IQUB: variants seen among roughly 807,000 people sequenced by gnomAD.
The protein encoded by IQUB is IQ motif and ubiquitin domain containing, also known as IQ motif and ubiquitin-like domain-containing protein.
IQUB carries 86 observed loss-of-function variants against 86.4 expected under a neutral mutation model. The ratio of observed to expected loss-of-function variants is 1.00; its 90% CI spans 0.84 to 1.19. IQUB has a LOEUF of 1.19. Ranked by LOEUF, IQUB falls within the 50% of genes most tolerant of loss-of-function variation. The probability of loss-of-function intolerance (pLI) is 0.00; values close to 1 mark genes in which losing one functional copy is unlikely to be tolerated. For synonymous variants in IQUB, 289 were observed against 304.5 expected (o/e 0.95, Z 0.53); for missense variants, 946 against 916.9 (o/e 1.03, Z -0.41).
chr7:123,479,611 T>G lies in IQUB; in HGVS notation c.1410+184A>C, dbSNP rs567788256. Among the ~76,000 whole-genome samples, 5 of 152,258 alleles carry G rather than the reference T, an allele frequency of 3.3e-5. No homozygotes were observed. In the South Asian group the frequency reaches 1.0e-3, roughly 32 times the overall value. On this transcript the variant is annotated intron_variant, in intron 8 of 12. Transcript: ENST00000324698. ...TCATATTACCTAACAATTTTTACTC[T>G]AGGCTGCTATTAAAATCTAAAGCTA... is the stretch of plus-strand genomic sequence containing the variant.
chr7:123,496,811 T>C lies in IQUB; in HGVS notation c.1119A>G (p.Thr373=). 1 of 1,612,782 alleles carries C rather than the reference T, an allele frequency of 6.2e-7. No individual in the cohort carries two copies. The highest frequency in any genetic ancestry group is 8.5e-7 in the Non-Finnish European group (1 of 1,179,260). The change falls in exon 7 of 13, where the codon ACA becomes ACG. Residue 373 remains threonine (T), a synonymous_variant. Coordinates refer to ENST00000324698, the MANE Select transcript of IQUB (RefSeq NM_178827.5). ...RQKSLRLEWE[T]QQELRKIREK... is the part of the protein sequence containing the mutation. ...CTCTTATCTTCCTTAGTTCTTGCTG[T>C]GTTTCCCATTCCAGTCTTAAGCTTT...
At chr7:123,481,724 T>C (rs1482861563) in intron 7 of IQUB, among the ~76,000 whole-genome samples, 1 of 152,116 alleles carries the variant, frequency 6.6e-6, no homozygotes, top group Non-Finnish European at 1.5e-5. Context: ...TTTGATAGTT[T>C]ACCATGCTTT....
chr7:123,511,438 A>G (rs1006659585), intron 2 of IQUB, among the ~76,000 whole-genome samples: 2 of 152,350 alleles, frequency 1.3e-5, no homozygotes, highest in African/African-American at 4.8e-5. Flanking sequence ...ATGAAAAACA[A>G]TGATTTTTCT....
At chr7:123,511,424 T>C (rs1261343544) in intron 2 of IQUB, among the ~76,000 whole-genome samples, 1 of 152,184 alleles carries the variant, frequency 6.6e-6, no homozygotes, top group Non-Finnish European at 1.5e-5. Flanking sequence ...AAAATTAACC[T>C]ACAATGAAAA....
intron 1 of IQUB, among the ~76,000 whole-genome samples, chr7:123,518,246 A>G (rs75662264): frequency 6.6e-6 from 1 of 152,118 alleles, no homozygotes; most frequent in East Asian, 1.9e-4. Flanking sequence ...CCATCCTATC[A>G]TATTTTGACA....
chr7:123,465,085 A>G lies in IQUB; in HGVS notation c.1582-76T>C, dbSNP rs1410131569. On this transcript the variant is annotated intron_variant, in intron 9 of 12. Transcript: ENST00000324698. ...TCACTTTCAAATTGCCACCAAAACAAACCAAAATCTACATTCCTAAAGAAA... is the reference window on the plus strand; with the variant it reads ...TCACTTTCAAATTGCCACCAAAACAGACCAAAATCTACATTCCTAAAGAAA... 1.2e-5 allele frequency: 11 copies of G among 905,716 alleles called. No individual in the cohort carries two copies. In the South Asian group the frequency reaches 1.6e-4, roughly 14 times the overall value. 56.1% of individuals were successfully genotyped at this position (905,716 alleles called of 1,614,324 possible). A position where few individuals can be genotyped will look rare whatever the true frequency, so the allele number is the denominator to read the frequency against.
At chr7:123,509,823 T>A in intron 3 of IQUB, 78 bp downstream of exon 3, 3 of 1,282,090 alleles carry the variant, frequency 2.3e-6, no homozygotes, top group Non-Finnish European at 3.3e-6. Context: ...ATATTTAGTT[T>A]TTAAAATCAA....
intron 6 of IQUB, among the ~76,000 whole-genome samples, chr7:123,500,176 G>A (rs1584611842): frequency 1.3e-5 from 2 of 152,216 alleles, no homozygotes; most frequent in Non-Finnish European, 2.9e-5. Flanking sequence ...TGTCTGTGGA[G>A]TAGCCATTCT....
chr7:123,500,842 A>G (rs1795910851), intron 6 of IQUB, among the ~76,000 whole-genome samples: 1 of 151,830 alleles, frequency 6.6e-6, no homozygotes, highest in African/African-American at 2.4e-5. Context: ...AAAAAACACA[A>G]CTCACATTTA....
chr7:123,504,739 A>G (rs1214980463), intron 3 of IQUB, among the ~76,000 whole-genome samples: 1 of 152,124 alleles, frequency 6.6e-6, no homozygotes, highest in African/African-American at 2.4e-5. Flanking sequence ...CAATTTGACA[A>G]GAGATTTGGG....
intron 1 of IQUB, among the ~76,000 whole-genome samples, chr7:123,514,016 G>A (rs902062786): frequency 6.6e-6 from 1 of 152,142 alleles, no homozygotes; most frequent in Non-Finnish European, 1.5e-5. Flanking sequence ...CGGATCCTCA[G>A]ATCCAGGAAG....
chr7:123,526,682 C>A lies in IQUB; in HGVS notation c.-5+7810G>T, dbSNP rs1202596155. 4.6e-5 allele frequency among the ~76,000 whole-genome samples: 7 copies of A among 151,220 alleles called. No homozygotes were observed. In the East Asian group the frequency reaches 1.2e-3, roughly 25 times the overall value. ...GCCAGTCTGTGTCTTTTAATTGGAG[C>A]ATTTAGTCCATTTACATTTAAAGTT... On this transcript the variant is annotated intron_variant, in intron 1 of 12. Coordinates refer to ENST00000324698, the MANE Select transcript of IQUB (RefSeq NM_178827.5).
chr7:123,461,718 T>TAA, intron 10 of IQUB, 113 bp from the exon 11 acceptor site: 11 of 873,060 alleles, frequency 1.3e-5, no homozygotes, highest in Non-Finnish European at 1.7e-5. Context: ...GAATGAGATT[T>TAA]AAAAAAAAAA....
chr7:123,525,323 T>A (rs899206734), intron 1 of IQUB, among the ~76,000 whole-genome samples: 2 of 152,124 alleles, frequency 1.3e-5, no homozygotes, highest in African/African-American at 4.8e-5. Flanking sequence ...TGTGAATCCA[T>A]CTGGTCCTGG....
At chr7:123,497,295 C>T (rs1021535930) in intron 6 of IQUB, among the ~76,000 whole-genome samples, 1 of 152,114 alleles carries the variant, frequency 6.6e-6, no homozygotes, top group Admixed American at 6.6e-5. Flanking sequence ...AAGTGCTTAA[C>T]CCAAGCCTGG....
At chr7:123,464,738 A>T in intron 10 of IQUB, 95 bp downstream of exon 10, 1 of 680,106 alleles carries the variant, frequency 1.5e-6, no homozygotes. Flanking sequence ...ATGGACTCCC[A>T]AGTAAAGTGT....
intron 1 of IQUB, among the ~76,000 whole-genome samples, chr7:123,524,205 A>C (rs1433289234): frequency 6.8e-6 from 1 of 147,972 alleles, no homozygotes; most frequent in Non-Finnish European, 1.5e-5. Context: ...TTGGTTCCAT[A>C]TGAACTTTAA....
chr7:123,460,532 A>AGTCT (rs1357904710), intron 11 of IQUB, among the ~76,000 whole-genome samples: 1 of 151,892 alleles, frequency 6.6e-6, no homozygotes, highest in Non-Finnish European at 1.5e-5. Context: ...CTTATTTGAC[A>AGTCT]GTCTGTGAAC....
At chr7:123,492,579 C>T (rs78527901) in intron 7 of IQUB, among the ~76,000 whole-genome samples, 12,309 of 152,202 alleles carry the variant, frequency 0.081, 570 homozygotes, top group African/African-American at 0.12. Flanking sequence ...AATGAAAAGA[C>T]ATGCCAAAGA....
Sources: gnomAD v4.1 joint callset for allele counts (sites outside exome capture counted in the v4.1 genomes callset) on GRCh38, gnomAD v4.1.1 for gene constraint, MANE v1.5 for transcripts, NCBI Gene and HGNC (gene_info 2026-07-23, HGNC 2026-07-21) for gene names.